The following RARA variants were observed in gnomAD, a reference collection of about 807,000 sequenced individuals.
RARA encodes the protein PML-DDX5-RARA fusion.
RARA carries 5 observed loss-of-function variants against 42.8 expected under a neutral mutation model. The ratio of observed to expected loss-of-function variants is 0.12; its 90% CI spans 0.06 to 0.25. The LOEUF (loss-of-function observed/expected upper bound fraction) is 0.25, where lower values mean the gene tolerates loss of function less well. Among genes scored for constraint, RARA ranks in the 10% least tolerant of loss-of-function variants. RARA has a pLI of 1.00. For missense variants in RARA, 402 were observed against 628.7 expected (o/e 0.64, Z 3.86); for synonymous variants, 256 against 259.5 (o/e 0.99, Z 0.13).
In RARA at chr17:40,352,801, G is replaced by A. The variant is rs545568100; in HGVS notation, c.807+294G>A. On this transcript the variant is annotated intron_variant, in intron 6 of 8. Transcript: ENST00000254066. This position sits in a 1 kb window ranked among gnomAD's most constrained non-coding sequence, Gnocchi z 4.9. ...ATAAAGATTCACGTAGGAGCCAGGTGCAGTGGCTCATACCTGTAATCCCAG... is the reference window on the plus strand; with the variant it reads ...ATAAAGATTCACGTAGGAGCCAGGTACAGTGGCTCATACCTGTAATCCCAG... Among the ~76,000 whole-genome samples, 2 of 152,292 alleles carry A rather than the reference G, an allele frequency of 1.3e-5. No individual in the cohort carries two copies. The highest frequency in any genetic ancestry group is 3.9e-4 in the East Asian group (2 of 5,182).
chr17:40,332,281 C>T (rs1032100285), intron 2 of RARA, among the ~76,000 whole-genome samples: 13 of 152,022 alleles, frequency 8.6e-5, no homozygotes, highest in East Asian at 1.9e-4. Flanking sequence ...TGGCCTGGGA[C>T]GGGAGAGGGT....
Position 40,354,155 on chromosome 17 carries a change from T to C in RARA, c.808-147T>C. The C allele has an allele frequency of 2.8e-6, 2 of 727,044 alleles. No homozygotes were observed. The highest frequency in any genetic ancestry group is 4.6e-6 in the Non-Finnish European group (2 of 432,402). 45.0% of individuals were successfully genotyped at this position (727,044 alleles called of 1,614,324 possible). A position where few individuals can be genotyped will look rare whatever the true frequency, so the allele number is the denominator to read the frequency against. On this transcript the variant is annotated intron_variant, in intron 6 of 8. Coordinates refer to ENST00000254066, the MANE Select transcript of RARA (RefSeq NM_000964.4). This position sits in a 1 kb window ranked among gnomAD's most constrained non-coding sequence, Gnocchi z 4.5. ...ATGGATGGTGCAGACGTAGAACCTT[T>C]CCATCATTGTAGAAAATTCTATCAG...
chr17:40,323,050 G>A (rs937915988), intron 1 of RARA: 1 of 152,240 alleles, frequency 6.6e-6, no homozygotes, highest in African/African-American at 2.4e-5. Flanking sequence ...TGTGGGGAAG[G>A]AGCTACCCCT....
chr17:40,342,469 G>A (rs1598567870), intron 2 of RARA: 1 of 1,225,498 alleles, frequency 8.2e-7, no homozygotes. Flanking sequence ...GAGAGCCGAC[G>A]GACCCCCCCT....
At chr17:40,314,047 T>A (rs2033145013) in intron 1 of RARA, among the ~76,000 whole-genome samples, 1 of 152,140 alleles carries the variant, frequency 6.6e-6, no homozygotes, top group East Asian at 1.9e-4. Flanking sequence ...CTCTCTCATA[T>A]ACTAGGCTGG....
In RARA at chr17:40,355,910, T is replaced by G; in HGVS notation, c.1172-99T>G. On this transcript the variant is annotated intron_variant, in intron 8 of 8. Transcript: ENST00000254066. The surrounding 1 kb of genome is among the most constrained non-coding windows in gnomAD (Gnocchi z 4.1). ...CTGAATCCCAAGAAAGATGCTAATATCAGCAGTATTGATCTTCCCACCTCG... is the reference window on the plus strand; with the variant it reads ...CTGAATCCCAAGAAAGATGCTAATAGCAGCAGTATTGATCTTCCCACCTCG... 1.0e-6 allele frequency: 1 copy of G among 989,700 alleles called. No homozygotes were observed. The highest frequency in any genetic ancestry group is 1.5e-6 in the Non-Finnish European group (1 of 671,848). The allele number at this position is 989,700 out of a possible 1,614,324, so 61.3% of individuals were successfully genotyped here. A position where few individuals can be genotyped will look rare whatever the true frequency, so the allele number is the denominator to read the frequency against.
At chr17:40,337,827 G>A (rs190082854) in intron 2 of RARA, among the ~76,000 whole-genome samples, 3 of 152,024 alleles carry the variant, frequency 2.0e-5, no homozygotes, top group South Asian at 2.1e-4. Flanking sequence ...CCACTTCCTC[G>A]CTGTTGCAGT....
rs1235693430 is a variant in RARA, at chr17:40,320,603, A to C, written c.-362-10254A>C. Among the ~76,000 whole-genome samples the C allele has an allele frequency of 6.6e-6, 1 of 152,104 alleles. No individual in the cohort carries two copies. Among genetic ancestry groups the C allele is most frequent in the Non-Finnish European group, 1.5e-5 (1 of 68,018 alleles). On this transcript the variant is annotated intron_variant, in intron 1 of 8. Transcript: ENST00000254066. The surrounding 1 kb of genome is among the most constrained non-coding windows in gnomAD (Gnocchi z 4.1). Reference sequence around the variant, plus strand: ...CCAGGCCACTCCTTGCTCAGACTCCAGTCTCAGGTGGGATGGTCCTCAGAA... The same window carrying C: ...CCAGGCCACTCCTTGCTCAGACTCCCGTCTCAGGTGGGATGGTCCTCAGAA...
Position 40,349,779 on chromosome 17 carries a change from C to T in RARA, c.328-5C>T, listed in dbSNP as rs1219311528. On this transcript the variant is annotated splice_polypyrimidine_tract_variant and splice_region_variant and intron_variant, in intron 3 of 8. Coordinates refer to ENST00000254066, the MANE Select transcript of RARA (RefSeq NM_000964.4). ...ACAACCTGACTCCCTCCCCTCCATA[C>T]CCAGGGCTTCTTCCGCCGCAGCATC... 3.7e-6 allele frequency: 6 copies of T among 1,613,944 alleles called. No individual in the cohort carries two copies. The highest frequency in any genetic ancestry group is 2.7e-5 in the African/African-American group (2 of 74,946).
intron 2 of RARA, among the ~76,000 whole-genome samples, chr17:40,335,239 CAG>C (rs1197593148): frequency 1.3e-5 from 2 of 152,092 alleles, no homozygotes; most frequent in African/African-American, 4.8e-5. Flanking sequence ...ACTTAGGGCA[CAG>C]AGTGTTTAAA....
chr17:40,320,065 G>T lies in RARA; in HGVS notation c.-363+10779G>T, dbSNP rs1011101876. On this transcript the variant is annotated intron_variant, in intron 1 of 8. Transcript: ENST00000254066. This position sits in a 1 kb window ranked among gnomAD's most constrained non-coding sequence, Gnocchi z 4.1. ...AGACTGGAGTAGCCTCTTGGGAGCT[G>T]AGGATCTTGGATTTGCAAGGATTTT... 6.6e-6 allele frequency among the ~76,000 whole-genome samples: 1 copy of T among 152,092 alleles called. No homozygotes were observed. The highest frequency in any genetic ancestry group is 1.5e-5 in the Non-Finnish European group (1 of 68,012).
At position 40,355,363 on chromosome 17, in the gene RARA, C is replaced by T. The variant is rs1305217007; in HGVS notation, c.1113C>T (p.Pro371=). The T allele has an allele frequency of 1.2e-6, 2 of 1,613,866 alleles. No individual in the cohort carries two copies. Among genetic ancestry groups the T allele is most frequent in the Non-Finnish European group, 1.7e-6 (2 of 1,179,926 alleles). Residue 371 remains proline (P), a synonymous_variant, in exon 8 of 9, where the codon CCC becomes CCT. Coordinates refer to ENST00000254066, the MANE Select transcript of RARA (RefSeq NM_000964.4). The surrounding 1 kb of genome is among the most constrained non-coding windows in gnomAD (Gnocchi z 4.1). Reference sequence around the variant, plus strand: ...TGCGGAAGCGGAGGCCCAGCCGCCCCCACATGTTCCCCAAGATGCTAATGA... The same window carrying T: ...TGCGGAAGCGGAGGCCCAGCCGCCCTCACATGTTCCCCAAGATGCTAATGA... ...VYVRKRRPSR[P]HMFPKMLMKI... is the part of the protein sequence containing the mutation.
intron 1 of RARA, 106 bp downstream of exon 1, chr17:40,309,392 T>A (rs1159938933): frequency 6.6e-6 from 1 of 152,470 alleles, no homozygotes; most frequent in Non-Finnish European, 1.5e-5. Flanking sequence ...TCCCCATCCC[T>A]CCTCTCCCGT....
At chr17:40,323,735 G>T (rs1324583101) in intron 1 of RARA, among the ~76,000 whole-genome samples, 1 of 146,678 alleles carries the variant, frequency 6.8e-6, no homozygotes, top group African/African-American at 2.5e-5. Context: ...GTTGCTTGGG[G>T]GGGGGTCAAT....
At position 40,354,485 on chromosome 17, in the gene RARA, G is replaced by A. The variant is rs879250985; in HGVS notation, c.991G>A (p.Ala331Thr). ...MDDAETGLLS[A>T]ICLICGDRQD... ...TGATGCGGAGACGGGGCTGCTCAGC[G>A]CCATCTGCCTCATCTGCGGAGGTGG... is the stretch of plus-strand genomic sequence containing the variant. The change falls in exon 7 of 9, where the codon GCC (alanine) becomes ACC (threonine). Residue 331 changes from alanine to threonine, a missense_variant. This residue lies in a region of RARA where 104 missense variants were observed against 160.1 expected (regional missense o/e 0.65). Transcript: ENST00000254066. The surrounding 1 kb of genome is among the most constrained non-coding windows in gnomAD (Gnocchi z 4.5). The A allele has an allele frequency of 1.2e-6, 2 of 1,609,778 alleles. No individual in the cohort carries two copies. The highest frequency in any genetic ancestry group is 1.7e-6 in the Non-Finnish European group (2 of 1,178,452).
At chr17:40,322,717 GT>G (rs904224592) in intron 1 of RARA, among the ~76,000 whole-genome samples, 8 of 151,952 alleles carry the variant, frequency 5.3e-5, no homozygotes, top group Non-Finnish European at 1.2e-4. Context: ...ACGGCAGGAA[GT>G]GGAAAAGAGG....
In RARA at chr17:40,345,926, C is replaced by T. The variant is rs1352404156; in HGVS notation, c.179-2390C>T. 1.3e-5 allele frequency among the ~76,000 whole-genome samples: 2 copies of T among 152,128 alleles called. No homozygotes were observed. The highest frequency in any genetic ancestry group is 2.9e-5 in the Non-Finnish European group (2 of 68,020). The stretch of plus-strand genomic sequence containing the variant: ...AGGCCTGGGGAGGTGGGGCATCGAG[C>T]TCTGGGTTCAAAGGGCAGAGCAGGG... On this transcript the variant is annotated intron_variant, in intron 2 of 8. Transcript: ENST00000254066. The surrounding 1 kb of genome is among the most constrained non-coding windows in gnomAD (Gnocchi z 4.8).
rs751811710 is a variant in RARA at position 40,351,929 on chromosome 17, CAAG to C, written c.499_501del (p.Lys167del). 38 of 1,612,234 alleles carry C rather than the reference CAAG, an allele frequency of 2.4e-5. No individual in the cohort carries two copies. The highest frequency in any genetic ancestry group is 8.9e-5 in the East Asian group (4 of 44,868). On this transcript the variant is annotated inframe_deletion, in exon 5 of 9. Coordinates refer to ENST00000254066, the MANE Select transcript of RARA (RefSeq NM_000964.4). The surrounding 1 kb of genome is among the most constrained non-coding windows in gnomAD (Gnocchi z 4.1). ...CCACAGCTGTGAGAAACGACCGAAA[CAAG>C]AAGAAGAAGGAGGTGCCCAAGCCCG...
chr17:40,349,667 G>T, intron 3 of RARA, 117 bp from the exon 4 acceptor site: 2 of 1,349,500 alleles, frequency 1.5e-6, no homozygotes, highest in East Asian at 2.3e-5. Flanking sequence ...GGTAGGCGAT[G>T]GGCAAACGCT....
Sources: allele counts gnomAD v4.1 joint callset (sites outside exome capture counted in the v4.1 genomes callset), GRCh38; gene constraint gnomAD v4.1.1; regional missense constraint gnomAD v4.1.1; non-coding constraint Gnocchi (gnomAD v3.1); transcripts MANE v1.5; gene names NCBI Gene and HGNC (gene_info 2026-07-23, HGNC 2026-07-21).